Variants in PTCSC3 observed in about 807,000 individuals in gnomAD.
PTCSC3 encodes the protein papillary thyroid carcinoma susceptibility candidate 3 (non-protein coding).
intron 3 of PTCSC3, among the ~76,000 whole-genome samples, chr14:36,145,509 C>T (rs1361506502): frequency 6.8e-6 from 1 of 148,148 alleles, no homozygotes; most frequent in East Asian, 2.0e-4. Context: ...TGGTGATATC[C>T]CCTTTATCAT....
At chr14:36,153,354 T>G (rs76348495) in intron 3 of PTCSC3, among the ~76,000 whole-genome samples, 3,560 of 152,298 alleles carry the variant, frequency 0.023, 129 homozygotes, top group African/African-American at 0.082. Flanking sequence ...AAATAGCCAT[T>G]GAGCCTATGA....
intron 3 of PTCSC3, among the ~76,000 whole-genome samples, chr14:36,139,024 G>T (rs1881355149): frequency 6.6e-6 from 1 of 150,716 alleles, no homozygotes; most frequent in African/African-American, 2.4e-5. Flanking sequence ...TGAGGCAGGA[G>T]AATGGCGTGA....
chr14:36,153,324 T>C (rs543836237), intron 3 of PTCSC3, among the ~76,000 whole-genome samples: 1 of 152,318 alleles, frequency 6.6e-6, no homozygotes, highest in African/African-American at 2.4e-5. Flanking sequence ...GGCACAAATA[T>C]TTAGTGTACA....
chr14:36,139,798 ATT>A (rs1367622982), intron 3 of PTCSC3, among the ~76,000 whole-genome samples: 1 of 152,192 alleles, frequency 6.6e-6, no homozygotes, highest in African/African-American at 2.4e-5. Flanking sequence ...AGTGTGGTAT[ATT>A]TGTTATAATT....
chr14:36,175,974 A>G (rs1271865599), intron 1 of PTCSC3, among the ~76,000 whole-genome samples: 1 of 152,214 alleles, frequency 6.6e-6, no homozygotes. Context: ...AAATTCATGT[A>G]GAAAGAAAAG....
chr14:36,147,393 C>G (rs577048154), intron 3 of PTCSC3, among the ~76,000 whole-genome samples: 53 of 152,252 alleles, frequency 3.5e-4, no homozygotes, highest in Middle Eastern at 6.8e-3. Context: ...AACTTCCCTT[C>G]TCCCTTCATT....
chr14:36,136,819 A>G (rs1030608297), intron 3 of PTCSC3, among the ~76,000 whole-genome samples: 1 of 152,230 alleles, frequency 6.6e-6, no homozygotes, highest in Non-Finnish European at 1.5e-5. Context: ...CTAGAGAGAA[A>G]AGAAAGTTCT....
At chr14:36,172,804 AATT>A in intron 1 of PTCSC3, among the ~76,000 whole-genome samples, 1 of 152,246 alleles carries the variant, frequency 6.6e-6, no homozygotes, top group African/African-American at 2.4e-5. Context: ...GATTTCTGTC[AATT>A]ATTACATTCT....
chr14:36,159,774 C>G (rs1396672747), intron 2 of PTCSC3, among the ~76,000 whole-genome samples: 1 of 152,112 alleles, frequency 6.6e-6, no homozygotes, highest in Non-Finnish European at 1.5e-5. Context: ...TGGTCCAGAG[C>G]TGAGTTAAAG....
intron 3 of PTCSC3, among the ~76,000 whole-genome samples, chr14:36,153,294 C>T (rs1472607260): frequency 6.6e-6 from 1 of 152,160 alleles, no homozygotes. Flanking sequence ...GTTAGGATTT[C>T]ACATATAAAT....
chr14:36,172,252 T>C (rs1882206091), intron 1 of PTCSC3, among the ~76,000 whole-genome samples: 1 of 152,152 alleles, frequency 6.6e-6, no homozygotes, highest in Non-Finnish European at 1.5e-5. Context: ...TTTTAGTTAA[T>C]GTAAAAGCCC....
chr14:36,166,304 G>A (rs949956691), intron 1 of PTCSC3, among the ~76,000 whole-genome samples: 1 of 152,124 alleles, frequency 6.6e-6, no homozygotes, highest in Non-Finnish European at 1.5e-5. Flanking sequence ...TACAGAGAAC[G>A]TAAGGACGAA....
intron 1 of PTCSC3, among the ~76,000 whole-genome samples, chr14:36,168,520 T>C (rs1208425701): frequency 6.6e-6 from 1 of 151,778 alleles, no homozygotes; most frequent in Non-Finnish European, 1.5e-5. Context: ...GTATTCTTCT[T>C]TGTAGCATAA....
intron 3 of PTCSC3, among the ~76,000 whole-genome samples, chr14:36,142,437 T>G (rs61995159): frequency 0.058 from 8,905 of 152,262 alleles, 423 homozygotes; most frequent in Middle Eastern, 0.17. Flanking sequence ...TGGTACATGA[T>G]TTTTCTTTCT....
chr14:36,173,287 A>G (rs1882221078), intron 1 of PTCSC3, among the ~76,000 whole-genome samples: 1 of 152,290 alleles, frequency 6.6e-6, no homozygotes, highest in East Asian at 1.9e-4. Context: ...AGAGATGGGT[A>G]GTGTAAAACT....
chr14:36,162,258 G>GGAA (rs1295535297), intron 2 of PTCSC3, among the ~76,000 whole-genome samples: 5 of 106,544 alleles, frequency 4.7e-5, no homozygotes, highest in Middle Eastern at 4.9e-3. Context: ...CTGGGGTATG[G>GGAA]AAAAAAAAAA....
intron 3 of PTCSC3, chr14:36,153,689 T>A (rs1050256192): frequency 6.6e-6 from 1 of 152,232 alleles, no homozygotes; most frequent in Non-Finnish European, 1.5e-5. Context: ...GTATAATTTA[T>A]AATAGTAGAA....
At chr14:36,153,439 C>A (rs1462894447) in intron 3 of PTCSC3, among the ~76,000 whole-genome samples, 2 of 152,102 alleles carry the variant, frequency 1.3e-5, no homozygotes, top group Admixed American at 1.3e-4. Flanking sequence ...ATTTAGAAAT[C>A]AAAACAGTAA....
chr14:36,136,628 A>G (rs928622765), intron 3 of PTCSC3, among the ~76,000 whole-genome samples: 11 of 152,212 alleles, frequency 7.2e-5, no homozygotes, highest in Non-Finnish European at 1.6e-4. Flanking sequence ...CTATTTACCC[A>G]GTAATTATGC....
Sources: gnomAD v4.1 joint callset for allele counts (sites outside exome capture counted in the v4.1 genomes callset) on GRCh38, gnomAD v4.1.1 for gene constraint, MANE v1.5 for transcripts, NCBI Gene and HGNC (gene_info 2026-07-23, HGNC 2026-07-21) for gene names.